ABCA12: variants seen among roughly 807,000 people sequenced by gnomAD.
ABCA12 encodes the protein ATP binding cassette subfamily A member 12, also known as glucosylceramide transporter ABCA12.
Under a neutral mutation model 293.5 loss-of-function variants are expected in ABCA12, and 156 were observed. The observed-to-expected ratio is 0.53, with a 90% CI of 0.47 to 0.61. ABCA12 has a LOEUF of 0.61. ABCA12 is among the 20% of genes least tolerant of loss of function. ABCA12 has a pLI of 0.00. For synonymous variants in ABCA12, 1,063 were observed against 1,108.0 expected (o/e 0.96, Z 0.81); for missense variants, 2,797 against 3,090.2 (o/e 0.91, Z 2.25).
intron 3 of ABCA12, among the ~76,000 whole-genome samples, chr2:215,056,219 C>A (rs1575014892): frequency 6.6e-6 from 1 of 152,008 alleles, no homozygotes; most frequent in Non-Finnish European, 1.5e-5. Context: ...GGAAACTAAG[C>A]AAGTGTGCTC....
intron 1 of ABCA12, among the ~76,000 whole-genome samples, chr2:215,117,576 T>G (rs1391523449): frequency 2.0e-5 from 3 of 152,204 alleles, no homozygotes; most frequent in African/African-American, 4.8e-5. Context: ...TCTAAAAAAT[T>G]TGGGCAAAGC....
chr2:215,130,920 G>A (rs1703039201), intron 1 of ABCA12, among the ~76,000 whole-genome samples: 2 of 148,014 alleles, frequency 1.4e-5, no homozygotes, highest in African/African-American at 5.1e-5. Context: ...TTTCATTTAT[G>A]CCTAGTCTGC....
chr2:215,079,759 C>T (rs1264116552), intron 2 of ABCA12, among the ~76,000 whole-genome samples: 5 of 152,136 alleles, frequency 3.3e-5, no homozygotes, highest in South Asian at 2.1e-4. Context: ...TTTAATCTTG[C>T]GTTACTTAAT....
At chr2:215,107,108 C>T (rs946306203) in intron 2 of ABCA12, among the ~76,000 whole-genome samples, 12 of 151,996 alleles carry the variant, frequency 7.9e-5, no homozygotes, top group South Asian at 2.1e-4. Flanking sequence ...AGTGTGACTC[C>T]TTATTTGACA....
rs1365244109 is a variant in ABCA12 at position 215,111,710 on chromosome 2, A to G, written c.70-20T>C. 6.3e-7 allele frequency: 1 copy of G among 1,587,036 alleles called. No homozygotes were observed. Among genetic ancestry groups the G allele is most frequent in the African/African-American group, 1.3e-5 (1 of 74,528 alleles). Reference sequence around the variant, plus strand: ...CCAAAGCTGCAAAATAATGGTAGAAAAAATTGTTAGTTTTATTGTTGAACC... The same window carrying G: ...CCAAAGCTGCAAAATAATGGTAGAAGAAATTGTTAGTTTTATTGTTGAACC... On this transcript the variant is annotated intron_variant, in intron 1 of 52. Coordinates refer to ENST00000272895, the MANE Select transcript of ABCA12 (RefSeq NM_173076.3).
intron 2 of ABCA12, among the ~76,000 whole-genome samples, chr2:215,080,014 C>T (rs1256710561): frequency 2.0e-5 from 3 of 152,112 alleles, no homozygotes; most frequent in Non-Finnish European, 4.4e-5. Context: ...TATAACAACT[C>T]GGCTAGTTGG....
At chr2:215,063,111 C>T (rs1701568409) in intron 3 of ABCA12, among the ~76,000 whole-genome samples, 2 of 151,920 alleles carry the variant, frequency 1.3e-5, no homozygotes, top group African/African-American at 2.4e-5. Flanking sequence ...ATCAGCATCC[C>T]AGCAATTAGG....
Position 214,949,080 on chromosome 2 carries a change from T to C in ABCA12, c.6922A>G (p.Ile2308Val). 6.2e-7 allele frequency: 1 copy of C among 1,613,944 alleles called. No individual in the cohort carries two copies. Among genetic ancestry groups the C allele is most frequent in the Non-Finnish European group, 8.5e-7 (1 of 1,179,914 alleles). ...TIFKMLTGDI[I>V]PSSGNILIRN... ...ATCAGAATGTTTCCACTTGAAGGAA[T>C]GATGTCTCCTGTCAGCATCTTGAAT... Residue 2308 changes from isoleucine (I) to valine (V), a missense_variant, in exon 46 of 53, where the codon ATT (isoleucine) becomes GTT (valine). Ile to Val is a conservative substitution (Grantham distance 29). Coordinates refer to ENST00000272895, the MANE Select transcript of ABCA12 (RefSeq NM_173076.3).
intron 9 of ABCA12, among the ~76,000 whole-genome samples, chr2:215,030,571 T>C (rs375413063): frequency 6.8e-6 from 1 of 147,184 alleles, no homozygotes; most frequent in Non-Finnish European, 1.5e-5. Context: ...GCCACTGCAC[T>C]CCAGCCTGGG....
intron 3 of ABCA12, among the ~76,000 whole-genome samples, chr2:215,062,805 T>G (rs922995972): frequency 2.0e-5 from 3 of 152,048 alleles, no homozygotes; most frequent in African/African-American, 7.2e-5. Flanking sequence ...ATTAAATCCC[T>G]ACTTTATAAT....
At chr2:215,082,169 G>A (rs1030708140) in intron 2 of ABCA12, among the ~76,000 whole-genome samples, 5 of 148,358 alleles carry the variant, frequency 3.4e-5, no homozygotes, top group African/African-American at 5.0e-5. Context: ...CTCAGCCTCC[G>A]GAGTAGCTGG....
At chr2:215,027,072 C>T (rs776706877) in intron 9 of ABCA12, 134 bp from the exon 10 acceptor site, 16 of 654,050 alleles carry the variant, frequency 2.4e-5, no homozygotes, top group African/African-American at 2.2e-4. Context: ...TGGCCGGGCG[C>T]GGTGGCTCAC....
At chr2:214,958,896 G>A in intron 40 of ABCA12, 128 bp downstream of exon 40, 2 of 1,046,478 alleles carry the variant, frequency 1.9e-6, no homozygotes, top group Non-Finnish European at 3.0e-6. Flanking sequence ...ATCCCAGTCA[G>A]TGACATATTA....
intron 1 of ABCA12, among the ~76,000 whole-genome samples, chr2:215,114,994 G>T (rs1332398823): frequency 6.6e-6 from 1 of 152,070 alleles, no homozygotes; most frequent in Non-Finnish European, 1.5e-5. Flanking sequence ...GGTATGTATG[G>T]TTGCCTTTTG....
chr2:214,977,059 CAG>C (rs1368605128), intron 33 of ABCA12, among the ~76,000 whole-genome samples: 3 of 152,144 alleles, frequency 2.0e-5, no homozygotes, highest in Non-Finnish European at 4.4e-5. Flanking sequence ...TCCAATTAAA[CAG>C]AGTGAACAAG....
At position 215,054,595 on chromosome 2, in the gene ABCA12, T is replaced by C; in HGVS notation, c.387A>G (p.Pro129=). ...TACCTAGTGATGCATGCCTTCTTTC[T>C]GGAACTTGGGTGCTCTGGAATGATA... ...SSLSFQSTQV[P]ERRHASLATV... Residue 129 remains proline (P), a synonymous_variant, in exon 4 of 53, where the codon CCA becomes CCG. Coordinates refer to ENST00000272895, the MANE Select transcript of ABCA12 (RefSeq NM_173076.3). 6.2e-7 allele frequency: 1 copy of C among 1,612,056 alleles called. No homozygotes were observed. The highest frequency in any genetic ancestry group is 8.5e-7 in the Non-Finnish European group (1 of 1,178,482).
chr2:214,953,418 T>A (rs1364098633), intron 44 of ABCA12, among the ~76,000 whole-genome samples: 1 of 152,232 alleles, frequency 6.6e-6, no homozygotes, highest in Admixed American at 6.5e-5. Flanking sequence ...TTTCTTCTCA[T>A]TTATGATGCT....
At chr2:215,107,541 A>C (rs1352217223) in intron 2 of ABCA12, among the ~76,000 whole-genome samples, 1 of 152,212 alleles carries the variant, frequency 6.6e-6, no homozygotes, top group Non-Finnish European at 1.5e-5. Context: ...CATTTGTTGC[A>C]ACACAAAAGG....
chr2:215,134,316 A>G (rs1703132799), intron 1 of ABCA12, among the ~76,000 whole-genome samples: 1 of 147,292 alleles, frequency 6.8e-6, no homozygotes, highest in South Asian at 2.1e-4. Flanking sequence ...GTATATGTGT[A>G]TATATGTATA....
Sources: gnomAD v4.1 joint callset for allele counts (sites outside exome capture counted in the v4.1 genomes callset) on GRCh38, gnomAD v4.1.1 for gene constraint, MANE v1.5 for transcripts, NCBI Gene and HGNC (gene_info 2026-07-23, HGNC 2026-07-21) for gene names.